ULK4: variants seen among roughly 807,000 people sequenced by gnomAD.
ULK4 encodes the protein unc-51 like kinase 4.
Under a neutral mutation model 160.6 loss-of-function variants are expected in ULK4, and 133 were observed. The observed-to-expected ratio is 0.83, with a 90% CI of 0.72 to 0.96. The LOEUF is 0.96. Ranked by LOEUF, ULK4 falls within the 40% of genes least tolerant of loss-of-function variation. The pLI is 0.00. For synonymous variants in ULK4, 534 were observed against 539.8 expected (o/e 0.99, Z 0.15); for missense variants, 1,580 against 1,499.5 (o/e 1.05, Z -0.89).
At chr3:41,489,037 A>T (rs2084650504) in intron 32 of ULK4, among the ~76,000 whole-genome samples, 1 of 151,182 alleles carries the variant, frequency 6.6e-6, no homozygotes, top group Non-Finnish European at 1.5e-5. Context: ...CCTCCTCCAA[A>T]CCCCCAACCC....
At chr3:41,742,955 A>G (rs1236929523) in intron 22 of ULK4, among the ~76,000 whole-genome samples, 1 of 151,896 alleles carries the variant, frequency 6.6e-6, no homozygotes, top group Non-Finnish European at 1.5e-5. Flanking sequence ...GAAAAAAAAT[A>G]GAGTCTCAGG....
intron 19 of ULK4, 63 bp downstream of exon 19, chr3:41,819,360 A>C (rs777170870): frequency 8.7e-6 from 13 of 1,492,312 alleles, no homozygotes; most frequent in Non-Finnish European, 1.1e-5. Flanking sequence ...TACAATCCTC[A>C]TACAGTGCCT....
In ULK4 at chr3:41,468,889, G is replaced by C. The variant is rs574556355; in HGVS notation, c.3227-5636C>G. On this transcript the variant is annotated intron_variant, in intron 32 of 36. Coordinates refer to ENST00000301831, the MANE Select transcript of ULK4 (RefSeq NM_017886.4). ...CCACTAGACCAACTGGGATTAGGCA[G>C]AAACAAAGAAAGGAGGTGTAGTAGA... is the stretch of plus-strand genomic sequence containing the variant. Among the ~76,000 whole-genome samples the C allele has an allele frequency of 2.6e-5, 4 of 152,318 alleles. No homozygotes were observed. In the South Asian group the frequency reaches 8.3e-4, roughly 32 times the overall value.
At chr3:41,266,256 T>C (rs952224563) in intron 35 of ULK4, among the ~76,000 whole-genome samples, 2 of 151,570 alleles carry the variant, frequency 1.3e-5, no homozygotes, top group Non-Finnish European at 2.9e-5. Context: ...CTCAAAGGAG[T>C]TGTGACCACC....
chr3:41,341,645 C>A (rs2080687665), intron 35 of ULK4, among the ~76,000 whole-genome samples: 1 of 152,116 alleles, frequency 6.6e-6, no homozygotes. Context: ...GGGTAGAGAA[C>A]AAGGGAAATG....
At chr3:41,645,239 T>C (rs1458721053) in intron 30 of ULK4, among the ~76,000 whole-genome samples, 5 of 151,888 alleles carry the variant, frequency 3.3e-5, no homozygotes, top group African/African-American at 7.3e-5. Context: ...TGCTAGCTTT[T>C]GAATGTGTTT....
At chr3:41,440,159 ACTT>A (rs1190733997) in intron 34 of ULK4, among the ~76,000 whole-genome samples, 1 of 152,158 alleles carries the variant, frequency 6.6e-6, no homozygotes. Context: ...CAGTTGTACT[ACTT>A]CTTTTCCAAT....
At chr3:41,516,570 T>C (rs976112596) in intron 32 of ULK4, among the ~76,000 whole-genome samples, 3 of 151,970 alleles carry the variant, frequency 2.0e-5, no homozygotes, top group East Asian at 1.9e-4. Flanking sequence ...TTAAGTGAAA[T>C]AAGCCAGGCA....
chr3:41,554,373 T>C (rs906422657), intron 32 of ULK4, among the ~76,000 whole-genome samples: 1 of 152,176 alleles, frequency 6.6e-6, no homozygotes, highest in African/African-American at 2.4e-5. Flanking sequence ...TATTCAGCCA[T>C]AAAAGAGAAT....
At chr3:41,683,958 G>A (rs906184910) in intron 27 of ULK4, among the ~76,000 whole-genome samples, 3 of 152,170 alleles carry the variant, frequency 2.0e-5, no homozygotes, top group Non-Finnish European at 2.9e-5. Context: ...CTGATAGCAC[G>A]TGGGTCCACA....
intron 30 of ULK4, among the ~76,000 whole-genome samples, chr3:41,636,865 A>G (rs1207823987): frequency 6.6e-6 from 1 of 151,512 alleles, no homozygotes; most frequent in Non-Finnish European, 1.5e-5. Context: ...TTCTTAGGAT[A>G]TATTTCGAAC....
intron 32 of ULK4, among the ~76,000 whole-genome samples, chr3:41,469,989 A>C (rs1342156219): frequency 7.2e-6 from 1 of 139,712 alleles, no homozygotes; most frequent in Non-Finnish European, 1.5e-5. Flanking sequence ...TAACCTATGC[A>C]TAAGAGGAAT....
At chr3:41,489,619 C>G (rs2084673990) in intron 32 of ULK4, among the ~76,000 whole-genome samples, 2 of 152,186 alleles carry the variant, frequency 1.3e-5, no homozygotes, top group Non-Finnish European at 2.9e-5. Flanking sequence ...TAAGCTTCAT[C>G]TGTCCAGGCA....
intron 20 of ULK4, among the ~76,000 whole-genome samples, chr3:41,798,158 G>C (rs2040356347): frequency 6.6e-6 from 1 of 150,774 alleles, no homozygotes; most frequent in African/African-American, 2.4e-5. Context: ...ATGAGACTTT[G>C]GTGGGAACTA....
intron 22 of ULK4, 28 bp from the exon 23 acceptor site, chr3:41,717,889 C>G: frequency 2.5e-6 from 4 of 1,605,018 alleles, no homozygotes; most frequent in Non-Finnish European, 3.4e-6. Context: ...CAAAGATTAC[C>G]TCTCATGATA....
At chr3:41,408,318 C>CT (rs2082337460) in intron 34 of ULK4, among the ~76,000 whole-genome samples, 1 of 149,038 alleles carries the variant, frequency 6.7e-6, no homozygotes. Flanking sequence ...GTCCCAGCTA[C>CT]TGGGGAGGCT....
At chr3:41,890,549 G>A (rs1457928224) in intron 16 of ULK4, among the ~76,000 whole-genome samples, 5 of 151,352 alleles carry the variant, frequency 3.3e-5, no homozygotes, top group African/African-American at 9.7e-5. Context: ...GCATGGTGGT[G>A]CACACCTGTA....
At chr3:41,783,279 G>A (rs1184265893) in intron 21 of ULK4, among the ~76,000 whole-genome samples, 1 of 151,956 alleles carries the variant, frequency 6.6e-6, no homozygotes, top group Admixed American at 6.6e-5. Flanking sequence ...GCTCACATCT[G>A]TAATCCCAGC....
intron 17 of ULK4, among the ~76,000 whole-genome samples, chr3:41,883,673 C>T (rs1448261114): frequency 6.6e-6 from 1 of 152,098 alleles, no homozygotes; most frequent in Non-Finnish European, 1.5e-5. Flanking sequence ...CTCTGCTGTG[C>T]CATTTTAATG....
Sources: allele counts gnomAD v4.1 joint callset (sites outside exome capture counted in the v4.1 genomes callset), GRCh38; gene constraint gnomAD v4.1.1; transcripts MANE v1.5; gene names NCBI Gene and HGNC (gene_info 2026-07-23, HGNC 2026-07-21).